RBFOX1: variants seen among roughly 807,000 people sequenced by gnomAD.
RBFOX1 encodes RNA binding protein fox-1 homolog 1.
RBFOX1 carries 8 observed loss-of-function variants against 57.7 expected under a neutral mutation model. The observed-to-expected ratio is 0.14, with a 90% CI of 0.08 to 0.25. The LOEUF is 0.25. RBFOX1 is among the 10% of genes least tolerant of loss of function. RBFOX1 has a pLI of 1.00. For missense variants in RBFOX1, 611 were observed against 548.5 expected, an observed-to-expected ratio of 1.11 and a Z score of -1.14; for synonymous variants, 326 against 222.4, an observed-to-expected ratio of 1.47 and a Z score of -4.15.
chr16:5,245,504 G>A (rs1049760886), intron 1 of RBFOX1, among the ~76,000 whole-genome samples: 1 of 152,158 alleles, frequency 6.6e-6, no homozygotes, highest in African/African-American at 2.4e-5. Context: ...GACAAGATGG[G>A]GGTTTTGCTC....
chr16:6,181,094 T>G (rs747367583), intron 1 of RBFOX1, among the ~76,000 whole-genome samples: 2 of 152,178 alleles, frequency 1.3e-5, no homozygotes, highest in Non-Finnish European at 2.9e-5. Flanking sequence ...CACCTCTGCA[T>G]CTGCACACTG....
At chr16:7,639,731 T>C (rs1200876763) in intron 11 of RBFOX1, among the ~76,000 whole-genome samples, 1 of 152,144 alleles carries the variant, frequency 6.6e-6, no homozygotes, top group Non-Finnish European at 1.5e-5. Context: ...GTGAATTAAG[T>C]GTCCCTATTT....
chr16:7,462,872 T>C (rs2059830897), intron 4 of RBFOX1, among the ~76,000 whole-genome samples: 1 of 152,202 alleles, frequency 6.6e-6, no homozygotes. Context: ...ACTCTGACTC[T>C]AGTTGGAGAA....
At chr16:6,174,181 C>G (rs776026110) in intron 1 of RBFOX1, among the ~76,000 whole-genome samples, 4 of 152,104 alleles carry the variant, frequency 2.6e-5, no homozygotes, top group African/African-American at 7.2e-5. Context: ...GCCTTTATTC[C>G]TCGAATTTGC....
intron 2 of RBFOX1, among the ~76,000 whole-genome samples, chr16:5,529,389 CTTTTTT>C (rs56820577): frequency 6.9e-5 from 9 of 130,924 alleles, no homozygotes; most frequent in East Asian, 2.2e-4. Flanking sequence ...TGGCCAGTGT[CTTTTTT>C]TTTTTTTTTT....
At chr16:5,252,727 G>A (rs545159818) in intron 1 of RBFOX1, among the ~76,000 whole-genome samples, 9 of 152,312 alleles carry the variant, frequency 5.9e-5, no homozygotes, top group East Asian at 5.8e-4. Context: ...TCTGGAGCTC[G>A]GCTGCCCAGC....
At chr16:7,366,321 C>T (rs978745716) in intron 4 of RBFOX1, among the ~76,000 whole-genome samples, 2 of 152,234 alleles carry the variant, frequency 1.3e-5, no homozygotes, top group Non-Finnish European at 2.9e-5. Context: ...TCGTTGAGCA[C>T]CCTGGCTGAA....
Position 5,907,397 on chromosome 16 carries a change from A to G in RBFOX1, c.351+40062A>G, listed in dbSNP as rs573972705. On this transcript the variant is annotated intron_variant, in intron 4 of 19. Coordinates refer to the RBFOX1 transcript ENST00000641259. ...CTTCTCCATCCAAAACCATTCTCCC[A>G]GAGTCATGCTGCTTTTTTTCAGAGC... 3.9e-4 allele frequency among the ~76,000 whole-genome samples: 59 copies of G among 152,236 alleles called. No homozygotes were observed. In the South Asian group the frequency reaches 9.5e-3, roughly 25 times the overall value.
chr16:7,399,046 A>G (rs1168783526), intron 4 of RBFOX1, among the ~76,000 whole-genome samples: 1 of 152,216 alleles, frequency 6.6e-6, no homozygotes. Flanking sequence ...ACTGTTGGGT[A>G]CTCTGCTCAC....
chr16:5,827,880 T>A (rs1485563796), intron 3 of RBFOX1, among the ~76,000 whole-genome samples: 1 of 133,272 alleles, frequency 7.5e-6, no homozygotes, highest in African/African-American at 3.5e-5. Context: ...TGTCCATCCA[T>A]CCATCCATCC....
chr16:5,901,749 G>A (rs1423676505), intron 4 of RBFOX1, among the ~76,000 whole-genome samples: 1 of 152,280 alleles, frequency 6.6e-6, no homozygotes, highest in East Asian at 1.9e-4. Flanking sequence ...TTTTTTGGGG[G>A]CAGTGATGTT....
At chr16:6,510,807 G>A in intron 2 of RBFOX1, among the ~76,000 whole-genome samples, 1 of 151,750 alleles carries the variant, frequency 6.6e-6, no homozygotes, top group African/African-American at 2.4e-5. Flanking sequence ...ACTGCTAAAG[G>A]TTTTTGTCAT....
intron 2 of RBFOX1, among the ~76,000 whole-genome samples, chr16:6,610,750 C>T (rs2098035849): frequency 6.6e-6 from 1 of 152,178 alleles, no homozygotes; most frequent in Admixed American, 6.5e-5. Context: ...ACAATCACTA[C>T]CATGATAACA....
chr16:5,893,941 T>C (rs1249087727), intron 4 of RBFOX1, among the ~76,000 whole-genome samples: 1 of 152,132 alleles, frequency 6.6e-6, no homozygotes, highest in Non-Finnish European at 1.5e-5. Context: ...ATGTCCGTCA[T>C]TCTAAGGATA....
chr16:7,173,090 A>G (rs1237536265), intron 4 of RBFOX1, among the ~76,000 whole-genome samples: 2 of 152,224 alleles, frequency 1.3e-5, no homozygotes, highest in Non-Finnish European at 2.9e-5. Flanking sequence ...TTCAGAAGAA[A>G]GACTAGGGTT....
In RBFOX1 at chr16:5,947,606, A is replaced by G. The variant is rs765662653; in HGVS notation, c.351+80271A>G. The stretch of plus-strand genomic sequence containing the variant: ...CCAAAGTGCTGGGATTACATGCATG[A>G]TCCACCATGTCTTGACCCTTCGATT... On this transcript the variant is annotated intron_variant, in intron 4 of 19. Coordinates refer to the RBFOX1 transcript ENST00000641259. This position sits in a 1 kb window ranked among gnomAD's most constrained non-coding sequence, Gnocchi z 7.2. 5.9e-5 allele frequency among the ~76,000 whole-genome samples: 9 copies of G among 152,118 alleles called. No individual in the cohort carries two copies. The highest frequency in any genetic ancestry group is 1.0e-4 in the Non-Finnish European group (7 of 68,030).
chr16:7,020,578 G>A (rs2038709032), intron 3 of RBFOX1, among the ~76,000 whole-genome samples: 1 of 152,126 alleles, frequency 6.6e-6, no homozygotes. Flanking sequence ...AGGAATCTAG[G>A]TCAATATCTG....
chr16:5,762,844 G>C (rs1423221687), intron 3 of RBFOX1, among the ~76,000 whole-genome samples: 2 of 152,130 alleles, frequency 1.3e-5, no homozygotes, highest in African/African-American at 2.4e-5. Flanking sequence ...ATGTTAAATG[G>C]CATATTGCAT....
chr16:6,221,277 C>G (rs1157840567), intron 1 of RBFOX1, among the ~76,000 whole-genome samples: 1 of 152,170 alleles, frequency 6.6e-6, no homozygotes, highest in Admixed American at 6.5e-5. Context: ...TTTATAATTA[C>G]TTTACATTTT....
Sources: allele counts gnomAD v4.1 joint callset (sites outside exome capture counted in the v4.1 genomes callset), GRCh38; gene constraint gnomAD v4.1.1; non-coding constraint Gnocchi (gnomAD v3.1); transcripts MANE v1.5; gene names NCBI Gene and HGNC (gene_info 2026-07-23, HGNC 2026-07-21).